The following ARHGAP20 variants were observed in gnomAD, a reference collection of about 807,000 sequenced individuals.
The protein encoded by ARHGAP20 is Rho GTPase activating protein 20.
Under a neutral mutation model 73.7 loss-of-function variants are expected in ARHGAP20, and 34 were observed. The observed-to-expected ratio is 0.46, with a 90% confidence interval of 0.35 to 0.61. ARHGAP20 has a LOEUF of 0.61. ARHGAP20 is among the 20% of genes least tolerant of loss of function. ARHGAP20 has a pLI of 0.00. For missense variants in ARHGAP20, 1,314 were observed against 1,420.9 expected, an observed-to-expected ratio of 0.92 and a Z score of 1.21; for synonymous variants, 523 against 518.2, an observed-to-expected ratio of 1.01 and a Z score of -0.13.
chr11:110,690,934 T>C (rs770182141), intron 1 of ARHGAP20: 5 of 1,384,920 alleles, frequency 3.6e-6, no homozygotes, highest in South Asian at 2.6e-5. Context: ...CTGGTTATCA[T>C]GTGTCTGGCT....
At chr11:110,644,849 A>G (rs188756121) in intron 2 of ARHGAP20, among the ~76,000 whole-genome samples, 1 of 152,322 alleles carries the variant, frequency 6.6e-6, no homozygotes, top group East Asian at 1.9e-4. Flanking sequence ...AGGAGTAAAC[A>G]GACAATCTAC....
chr11:110,639,018 AAG>A (rs1949026203), intron 2 of ARHGAP20, among the ~76,000 whole-genome samples: 1 of 152,086 alleles, frequency 6.6e-6, no homozygotes, highest in Non-Finnish European at 1.5e-5. Context: ...AAAAAAGAAA[AAG>A]AATATAACCT....
intron 3 of ARHGAP20, among the ~76,000 whole-genome samples, chr11:110,629,525 C>G (rs541294508): frequency 4.0e-5 from 6 of 148,982 alleles, no homozygotes; most frequent in African/African-American, 7.4e-5. Context: ...GCTGGAGAAA[C>G]TTATTCGTTC....
chr11:110,581,363 A>C (rs1947463404), intron 14 of ARHGAP20, 138 bp from the exon 15 acceptor site: 1 of 997,882 alleles, frequency 1.0e-6, no homozygotes, highest in Non-Finnish European at 1.4e-6. Flanking sequence ...CACAATCTCA[A>C]TTGTTAGTGA....
At chr11:110,646,997 TA>T in intron 2 of ARHGAP20, among the ~76,000 whole-genome samples, 1 of 152,288 alleles carries the variant, frequency 6.6e-6, no homozygotes, top group African/African-American at 2.4e-5. Context: ...TAAAATTTCT[TA>T]AATAAAAATT....
At chr11:110,644,158 C>A (rs1041686819) in intron 2 of ARHGAP20, among the ~76,000 whole-genome samples, 1 of 151,770 alleles carries the variant, frequency 6.6e-6, no homozygotes, top group African/African-American at 2.4e-5. Flanking sequence ...TCTAAGATGA[C>A]GTAAATAAAT....
chr11:110,659,598 C>T (rs544241657), intron 2 of ARHGAP20, among the ~76,000 whole-genome samples: 108 of 152,026 alleles, frequency 7.1e-4, no homozygotes, highest in African/African-American at 2.2e-3. Flanking sequence ...GCTTTTGTTG[C>T]CATTGCTTTT....
intron 2 of ARHGAP20, among the ~76,000 whole-genome samples, chr11:110,660,061 C>CAAAAAAAAAAAAA (rs746439426): frequency 4.3e-5 from 3 of 69,222 alleles, no homozygotes; most frequent in Non-Finnish European, 9.8e-5. Context: ...TAATAAAAAA[C>CAAAAAAAAAAAAA]AAAAAAAAAA....
intron 9 of ARHGAP20, among the ~76,000 whole-genome samples, chr11:110,593,125 T>G (rs984162629): frequency 1.3e-5 from 2 of 152,144 alleles, no homozygotes; most frequent in Non-Finnish European, 2.9e-5. Context: ...GCATCTGGCA[T>G]AGTGCCTTCC....
intron 2 of ARHGAP20, among the ~76,000 whole-genome samples, chr11:110,664,727 CA>C (rs34643863): frequency 0.035 from 3,098 of 88,198 alleles, 44 homozygotes; most frequent in African/African-American, 0.088. Context: ...GACTCCGTCT[CA>C]AAAAAAAAAA....
chr11:110,711,810 C>T (rs559133619), intron 1 of ARHGAP20: 10 of 1,341,822 alleles, frequency 7.5e-6, no homozygotes, highest in Admixed American at 7.7e-5. Context: ...CCCACTACAG[C>T]CCGCGCGCCT....
intron 4 of ARHGAP20, among the ~76,000 whole-genome samples, chr11:110,623,209 C>A (rs1339882284): frequency 6.6e-6 from 1 of 152,030 alleles, no homozygotes; most frequent in African/African-American, 2.4e-5. Context: ...AGATTAACAT[C>A]ATGGAAAATT....
At chr11:110,661,453 C>T (rs186421373) in intron 2 of ARHGAP20, among the ~76,000 whole-genome samples, 8 of 152,186 alleles carry the variant, frequency 5.3e-5, no homozygotes, top group Admixed American at 4.6e-4. Flanking sequence ...AAAATATTAT[C>T]TGGGTACAAA....
rs1947313391 is a variant in ARHGAP20, at chr11:110,577,394, A to C, written c.*1976T>G. ...TATCTAAGGGAACACAGATAGTAGG[A>C]ATGGTTATTAAAAAACCTCAGCAAC... On this transcript the variant is annotated 3_prime_UTR_variant, in exon 15 of 15. Coordinates refer to ENST00000683387, the MANE Select transcript of ARHGAP20 (RefSeq NM_001384657.1). The C allele has an allele frequency of 5.1e-6, 6 of 1,167,610 alleles. No individual in the cohort carries two copies. The highest frequency in any genetic ancestry group is 3.5e-4 in the Middle Eastern group (1 of 2,888). 72.3% of individuals were successfully genotyped at this position (1,167,610 alleles called of 1,614,324 possible).
At chr11:110,680,930 A>T (rs1461863034) in intron 2 of ARHGAP20, among the ~76,000 whole-genome samples, 1 of 152,214 alleles carries the variant, frequency 6.6e-6, no homozygotes, top group Admixed American at 6.5e-5. Flanking sequence ...CTTATAAAGC[A>T]ATTGCTGTCT....
chr11:110,585,222 T>C (rs1354298314), intron 12 of ARHGAP20, among the ~76,000 whole-genome samples: 1 of 151,734 alleles, frequency 6.6e-6, no homozygotes, highest in Non-Finnish European at 1.5e-5. Context: ...AGTTCCCTCA[T>C]AAACGATTTA....
chr11:110,657,752 C>A (rs373518253), intron 2 of ARHGAP20, among the ~76,000 whole-genome samples: 2 of 151,488 alleles, frequency 1.3e-5, no homozygotes. Context: ...AAAATTAGCC[C>A]GGTGTGGTGG....
chr11:110,584,969 A>ATG (rs369079700), intron 12 of ARHGAP20, among the ~76,000 whole-genome samples: 72,021 of 147,694 alleles, frequency 0.49, 18,827 homozygotes, highest in Middle Eastern at 0.64. Context: ...ATGTGAATAT[A>ATG]TGAATATATA....
intron 9 of ARHGAP20, among the ~76,000 whole-genome samples, chr11:110,604,256 C>CTG (rs1209978931): frequency 6.6e-6 from 1 of 152,104 alleles, no homozygotes; most frequent in Non-Finnish European, 1.5e-5. Context: ...AGTGGTTCAC[C>CTG]TGTAATTTTT....
Sources: allele counts gnomAD v4.1 joint callset (sites outside exome capture counted in the v4.1 genomes callset), GRCh38; gene constraint gnomAD v4.1.1; transcripts MANE v1.5; gene names NCBI Gene and HGNC (gene_info 2026-07-23, HGNC 2026-07-21).